ANO3: variants seen among roughly 807,000 people sequenced by gnomAD.
The protein encoded by ANO3 is anoctamin-3.
Under a neutral mutation model 144.8 loss-of-function variants are expected in ANO3, and 99 were observed. The ratio of observed to expected loss-of-function variants is 0.68; its 90% CI spans 0.58 to 0.81. ANO3 has a LOEUF of 0.81. Among genes scored for constraint, ANO3 ranks in the 30% least tolerant of loss-of-function variants. The pLI, the probability that ANO3 is intolerant of heterozygous loss-of-function variation, is 0.00. For synonymous variants in ANO3, 414 were observed against 392.6 expected, an observed-to-expected ratio of 1.05 and a Z score of -0.64; for missense variants, 905 against 1,202.2, an observed-to-expected ratio of 0.75 and a Z score of 3.66.
At chr11:26,360,096 T>C (rs1855884787) in intron 1 of ANO3, among the ~76,000 whole-genome samples, 1 of 152,000 alleles carries the variant, frequency 6.6e-6, no homozygotes, top group Non-Finnish European at 1.5e-5. Flanking sequence ...AATCTTCTAG[T>C]GTTTTTTAAA....
intron 14 of ANO3, among the ~76,000 whole-genome samples, chr11:26,583,493 C>CCAAATGTT (rs568199886): frequency 1.5e-3 from 221 of 152,302 alleles, no homozygotes; most frequent in African/African-American, 5.0e-3. Flanking sequence ...ACAGTTCGGT[C>CCAAATGTT]CAAATGTTCA....
At chr11:26,545,083 A>G (rs1180679507) in intron 11 of ANO3, among the ~76,000 whole-genome samples, 1 of 152,008 alleles carries the variant, frequency 6.6e-6, no homozygotes, top group Non-Finnish European at 1.5e-5. Context: ...TACAAGCCCC[A>G]TTTTTCTACA....
intron 1 of ANO3, among the ~76,000 whole-genome samples, chr11:26,404,933 ATGTGTGTGTGTGTGTGTGTG>A (rs56103536): frequency 0.012 from 1,742 of 146,272 alleles, 18 homozygotes; most frequent in Non-Finnish European, 0.019. Context: ...ATTTATATAT[ATGTGTGTGTGTGTGTGTGTG>A]TGTGTGTGTG....
chr11:26,326,444 C>A (rs1179758261), intron 1 of ANO3, among the ~76,000 whole-genome samples: 2 of 151,894 alleles, frequency 1.3e-5, no homozygotes, highest in African/African-American at 4.8e-5. Context: ...TACTTTTTTG[C>A]CAAAAGGATC....
intron 6 of ANO3, among the ~76,000 whole-genome samples, chr11:26,523,296 C>T (rs1862159543): frequency 1.3e-5 from 2 of 152,316 alleles, no homozygotes; most frequent in Middle Eastern, 3.4e-3. Flanking sequence ...CGTATCATCA[C>T]TCATAGTTCA....
chr11:26,597,440 T>C (rs528260246), intron 14 of ANO3, among the ~76,000 whole-genome samples: 1 of 152,222 alleles, frequency 6.6e-6, no homozygotes, highest in East Asian at 1.9e-4. Context: ...TCTAGCTGGA[T>C]CCAGAGCGGC....
At chr11:26,364,193 AT>A (rs921547139) in intron 1 of ANO3, among the ~76,000 whole-genome samples, 27 of 152,070 alleles carry the variant, frequency 1.8e-4, no homozygotes, top group African/African-American at 6.5e-4. Flanking sequence ...CAAATAAGAA[AT>A]TTTTTTTAGT....
intron 1 of ANO3, among the ~76,000 whole-genome samples, chr11:26,368,969 G>T (rs1478177398): frequency 6.6e-6 from 1 of 151,610 alleles, no homozygotes; most frequent in Non-Finnish European, 1.5e-5. Flanking sequence ...ATACTTTATG[G>T]TTCAAAAAAG....
At chr11:26,242,434 G>T (rs567001322) in intron 1 of ANO3, among the ~76,000 whole-genome samples, 2 of 152,050 alleles carry the variant, frequency 1.3e-5, no homozygotes, top group African/African-American at 4.8e-5. Context: ...TTCCCGTTAT[G>T]AAATATTTCC....
chr11:26,508,092 C>T lies in ANO3; in HGVS notation c.433-12C>T, dbSNP rs1223534678. 6.4e-7 allele frequency: 1 copy of T among 1,569,206 alleles called. No individual in the cohort carries two copies. The highest frequency in any genetic ancestry group is 1.2e-5 in the South Asian group (1 of 82,398). On this transcript the variant is annotated splice_polypyrimidine_tract_variant and intron_variant, in intron 4 of 26. Coordinates refer to ENST00000256737, the MANE Select transcript of ANO3 (RefSeq NM_031418.4). Reference sequence around the variant, plus strand: ...TAACCCACACCATTAACAATCATTGCTTTATTTGCAGAATGACATGAATTA... The same window carrying T: ...TAACCCACACCATTAACAATCATTGTTTTATTTGCAGAATGACATGAATTA...
intron 4 of ANO3, among the ~76,000 whole-genome samples, chr11:26,483,159 A>G (rs1860295206): frequency 6.6e-6 from 1 of 152,048 alleles, no homozygotes; most frequent in Admixed American, 6.6e-5. Context: ...TTTTCCATAC[A>G]GGTAGTATTA....
chr11:26,512,614 C>T (rs17309090), intron 5 of ANO3, among the ~76,000 whole-genome samples: 16,887 of 152,242 alleles, frequency 0.11, 1,316 homozygotes, highest in Admixed American at 0.16. Flanking sequence ...AATCTCTATA[C>T]ATTTTAAGAC....
At chr11:26,364,600 C>T (rs1338328859) in intron 1 of ANO3, among the ~76,000 whole-genome samples, 1 of 152,170 alleles carries the variant, frequency 6.6e-6, no homozygotes, top group African/African-American at 2.4e-5. Context: ...GGGATAGTCT[C>T]ATTACATGGT....
chr11:26,329,957 C>T (rs772229418), upstream of ANO3, among the ~76,000 whole-genome samples: 5 of 151,976 alleles, frequency 3.3e-5, no homozygotes, highest in African/African-American at 7.3e-5. Context: ...GGACTACAGG[C>T]GCCCGCCACC....
chr11:26,498,303 AT>A (rs1327643307), intron 4 of ANO3, among the ~76,000 whole-genome samples: 8 of 151,872 alleles, frequency 5.3e-5, no homozygotes, highest in Admixed American at 2.6e-4. Context: ...GGTGTATACC[AT>A]TTTATGATTC....
intron 8 of ANO3, among the ~76,000 whole-genome samples, chr11:26,531,956 A>G (rs7114965): frequency 0.49 from 73,812 of 151,968 alleles, 18,625 homozygotes; most frequent in East Asian, 0.65. Flanking sequence ...TTCAAGGTAC[A>G]CCCAGTCTAA....
intron 21 of ANO3, among the ~76,000 whole-genome samples, chr11:26,640,117 G>C (rs1853100721): frequency 6.6e-6 from 1 of 152,104 alleles, no homozygotes; most frequent in Admixed American, 6.6e-5. Context: ...ATAAAGTATT[G>C]TGTTAATTTA....
At chr11:26,455,733 C>G (rs1859127804) in intron 3 of ANO3, among the ~76,000 whole-genome samples, 1 of 150,954 alleles carries the variant, frequency 6.6e-6, no homozygotes, top group African/African-American at 2.4e-5. Context: ...CTTTAAAGTT[C>G]ATATTGAACC....
chr11:26,196,472 G>A (rs530080512), intron 1 of ANO3, among the ~76,000 whole-genome samples: 15 of 151,950 alleles, frequency 9.9e-5, no homozygotes, highest in African/African-American at 2.7e-4. Flanking sequence ...CCATCATGAA[G>A]CCATTTCTCA....
Sources: gnomAD v4.1 joint callset for allele counts (sites outside exome capture counted in the v4.1 genomes callset) on GRCh38, gnomAD v4.1.1 for gene constraint, MANE v1.5 for transcripts, NCBI Gene and HGNC (gene_info 2026-07-23, HGNC 2026-07-21) for gene names.